The following PADI1 variants were observed in gnomAD, a reference collection of about 807,000 sequenced individuals.
The protein encoded by PADI1 is peptidyl arginine deiminase 1.
A neutral mutation model predicts 74.8 loss-of-function variants in PADI1; 65 were observed. That is an observed-to-expected ratio of 0.87 (90% CI 0.71 to 1.07). The LOEUF (loss-of-function observed/expected upper bound fraction) is 1.07, where lower values mean the gene tolerates loss of function less well. Ranked by LOEUF, PADI1 falls within the 50% of genes least tolerant of loss-of-function variation. The pLI, the probability that PADI1 is intolerant of heterozygous loss-of-function variation, is 0.00. For synonymous variants in PADI1, 371 were observed against 336.2 expected, an observed-to-expected ratio of 1.10 and a Z score of -1.13; for missense variants, 943 against 854.0, an observed-to-expected ratio of 1.10 and a Z score of -1.30.
chr1:17,240,660 T>A lies in PADI1; in HGVS notation c.1658T>A (p.Val553Glu). ...AAATGCATTGACTGGAACCGTAATGTGCTGAAGCGGGAGCTGGGCCTGGCA... is the reference window on the plus strand; with the variant it reads ...AAATGCATTGACTGGAACCGTAATGAGCTGAAGCGGGAGCTGGGCCTGGCA... Reference protein sequence around the residue: ...AQKCIDWNRNVLKRELGLAES... With the variant: ...AQKCIDWNRNELKRELGLAES... Residue 553 changes from valine (V) to glutamate (E), a missense_variant, in exon 15 of 16, where the codon GTG (valine) becomes GAG (glutamate). Physicochemically the swap from Val to Glu is moderately radical, Grantham distance 121. Coordinates refer to ENST00000375471, the MANE Select transcript of PADI1 (RefSeq NM_013358.3). The A allele has an allele frequency of 6.2e-7, 1 of 1,614,142 alleles. No homozygotes were observed. Among genetic ancestry groups the A allele is most frequent in the Non-Finnish European group, 8.5e-7 (1 of 1,179,980 alleles).
chr1:17,220,254 C>A (rs768235869), intron 1 of PADI1, among the ~76,000 whole-genome samples: 1 of 151,912 alleles, frequency 6.6e-6, no homozygotes. Context: ...CATTAGGGAG[C>A]GCCAAGTAGG....
At position 17,227,251 on chromosome 1, in the gene PADI1, GAA is replaced by G. The variant is rs1360482402; in HGVS notation, c.652+1097_652+1098del. Among the ~76,000 whole-genome samples, 3 of 140,592 alleles carry G rather than the reference GAA, an allele frequency of 2.1e-5. No homozygotes were observed. The East Asian group carries it at 6.5e-4, about 30-fold the overall frequency. The allele number at this position is 140,592 out of a possible 152,430, so 92.2% of individuals were successfully genotyped here. ...ACTTCATCTCAAAAAAAAAAAAAAA[GAA>G]AAAGAAAAAATTGGCCGGGCCCAGT... is the stretch of plus-strand genomic sequence containing the variant. On this transcript the variant is annotated intron_variant, in intron 6 of 15. Coordinates refer to ENST00000375471, the MANE Select transcript of PADI1 (RefSeq NM_013358.3).
Position 17,239,886 on chromosome 1 carries a change from A to G in PADI1, c.1632+103A>G, listed in dbSNP as rs1353188945. 3 of 924,798 alleles carry G rather than the reference A, an allele frequency of 3.2e-6. No homozygotes were observed. The African/African-American group carries it at 4.9e-5, about 15-fold the overall frequency. The allele number at this position is 924,798 out of a possible 1,614,324, so 57.3% of individuals were successfully genotyped here. The stretch of plus-strand genomic sequence containing the variant: ...TCAGAGATTCAGCGCTGGAGCTCTC[A>G]TGGTCCTGGGGGCTGCTGGGGCCTG... On this transcript the variant is annotated intron_variant, in intron 14 of 15. Transcript: ENST00000375471.
At chr1:17,233,161 G>C (rs3750296) in intron 11 of PADI1, among the ~76,000 whole-genome samples, 191 bp downstream of exon 11, 56,636 of 152,112 alleles carry the variant, frequency 0.37, 10,890 homozygotes, top group African/African-American at 0.45. Flanking sequence ...TAGGAGAAAA[G>C]TCACACGCTT....
chr1:17,225,949 T>C, intron 5 of PADI1, 21 bp downstream of exon 5: 1 of 1,612,676 alleles, frequency 6.2e-7, no homozygotes, highest in Non-Finnish European at 8.5e-7. Flanking sequence ...CAAGGTGTTG[T>C]CTGGGGAGTG....
At chr1:17,224,498 G>T (rs543345809) in intron 4 of PADI1, 70 bp downstream of exon 4, 2 of 1,159,690 alleles carry the variant, frequency 1.7e-6, no homozygotes, top group East Asian at 5.0e-5. Context: ...CGGGTGGATT[G>T]TGCCCTCCCT....
chr1:17,209,552 T>G (rs549957295), intron 1 of PADI1, among the ~76,000 whole-genome samples: 1 of 152,330 alleles, frequency 6.6e-6, no homozygotes, highest in Non-Finnish European at 1.5e-5. Flanking sequence ...TAGCTGCCAC[T>G]TGCCATTTTG....
Position 17,225,798 on chromosome 1 carries a change from T to C in PADI1, c.409-13T>C, listed in dbSNP as rs755308786. 6.8e-6 allele frequency: 11 copies of C among 1,609,268 alleles called. No homozygotes were observed. The South Asian group carries it at 1.1e-4, about 16-fold the overall frequency. ...GGGTCCCACTGATCCCAAGGCATCT[T>C]ATTTTGCCACAGAAAACCTGGCGCT... is the stretch of plus-strand genomic sequence containing the variant. On this transcript the variant is annotated splice_polypyrimidine_tract_variant and intron_variant, in intron 4 of 15. Transcript: ENST00000375471.
intron 6 of PADI1, 115 bp from the exon 7 acceptor site, chr1:17,228,510 A>G: frequency 2.0e-6 from 2 of 1,024,104 alleles, no homozygotes; most frequent in South Asian, 2.8e-5. Context: ...CACGTGGCAG[A>G]GCCAGAGAGG....
At chr1:17,207,125 G>C (rs1413331552) in intron 1 of PADI1, among the ~76,000 whole-genome samples, 1 of 151,958 alleles carries the variant, frequency 6.6e-6, no homozygotes, top group Non-Finnish European at 1.5e-5. Context: ...GTTTCTAGAA[G>C]GTGATTTCAG....
At chr1:17,228,888 G>A (rs1228760075) in intron 7 of PADI1, 60 bp from the exon 8 acceptor site, 7 of 1,583,580 alleles carry the variant, frequency 4.4e-6, no homozygotes, top group Admixed American at 1.7e-5. Context: ...GGGGGCTGGG[G>A]GGGCTTGAGG....
At chr1:17,237,167 T>TG (rs1208117183) in intron 11 of PADI1, 147 bp from the exon 12 acceptor site, 10 of 825,406 alleles carry the variant, frequency 1.2e-5, no homozygotes, top group Non-Finnish European at 1.9e-5. Flanking sequence ...CATTCTCTGC[T>TG]GTCTTGGCTT....
At position 17,232,948 on chromosome 1, in the gene PADI1, C is replaced by T; in HGVS notation, c.1291C>T (p.Leu431Phe). The part of the protein sequence containing the change: ...GGTEYPLGRI[L>F]IGSSFPKSGG... ...CACGGAATACCCCCTGGGCCGGATC[C>T]TCATCGGGAGCAGCTTCCCCAAGTG... is the stretch of plus-strand genomic sequence containing the variant. Residue 431 changes from leucine to phenylalanine, a missense_variant, in exon 11 of 16, where the codon CTC (leucine) becomes TTC (phenylalanine). Coordinates refer to ENST00000375471, the MANE Select transcript of PADI1 (RefSeq NM_013358.3). The T allele has an allele frequency of 6.2e-7, 1 of 1,608,984 alleles. No individual in the cohort carries two copies. The highest frequency in any genetic ancestry group is 8.5e-7 in the Non-Finnish European group (1 of 1,178,724).
At chr1:17,210,424 C>T (rs1179161562) in intron 1 of PADI1, among the ~76,000 whole-genome samples, 1 of 152,002 alleles carries the variant, frequency 6.6e-6, no homozygotes, top group Non-Finnish European at 1.5e-5. Context: ...AAATTCAGGG[C>T]CCTATCTCTC....
At chr1:17,222,646 G>A (rs1450665677) in intron 2 of PADI1, among the ~76,000 whole-genome samples, 176 bp downstream of exon 2, 1 of 151,972 alleles carries the variant, frequency 6.6e-6, no homozygotes, top group Non-Finnish European at 1.5e-5. Context: ...CCCAAAACAC[G>A]CAAACCTCCA....
chr1:17,219,950 T>TG (rs775099137), intron 1 of PADI1, among the ~76,000 whole-genome samples: 7 of 151,822 alleles, frequency 4.6e-5, no homozygotes, highest in Non-Finnish European at 1.0e-4. Flanking sequence ...GTGCAGATGA[T>TG]GGTGGCTGGG....
chr1:17,214,961 G>T lies in PADI1; in HGVS notation c.93-7329G>T, dbSNP rs116201225. Among the ~76,000 whole-genome samples, 587 of 152,324 alleles carry T rather than the reference G, an allele frequency of 3.9e-3. 11 individuals carry two copies. Among genetic ancestry groups the T allele is most frequent in the African/African-American group, 0.013 (551 of 41,570 alleles). On this transcript the variant is annotated intron_variant, in intron 1 of 15. Transcript: ENST00000375471. ...ACCCCTCCTCCTGCCTCTTCCTGGT[G>T]GTTTTCAAAGCTCCTGCTGGGGTAC...
intron 2 of PADI1, among the ~76,000 whole-genome samples, chr1:17,222,882 C>T (rs2072197983): frequency 6.6e-6 from 1 of 152,230 alleles, no homozygotes; most frequent in Non-Finnish European, 1.5e-5. Flanking sequence ...GGATCTCCCA[C>T]ACCTAAGCCA....
At chr1:17,239,661 G>C (rs951804872) in intron 13 of PADI1, 43 bp from the exon 14 acceptor site, 1 of 1,466,782 alleles carries the variant, frequency 6.8e-7, no homozygotes, top group Non-Finnish European at 9.6e-7. Flanking sequence ...ACGGCCTCCA[G>C]GCAGTGCTCC....
Sources: allele counts gnomAD v4.1 joint callset (sites outside exome capture counted in the v4.1 genomes callset), GRCh38; gene constraint gnomAD v4.1.1; transcripts MANE v1.5; gene names NCBI Gene and HGNC (gene_info 2026-07-23, HGNC 2026-07-21).